Variants in LANCL2 observed in about 807,000 individuals in gnomAD.
The protein encoded by LANCL2 is lanC-like protein 2.
Under a neutral mutation model 56.9 loss-of-function variants are expected in LANCL2, and 33 were observed. The observed-to-expected ratio is 0.58, with a 90% confidence interval of 0.44 to 0.78. LANCL2 has a LOEUF of 0.78. Among genes scored for constraint, LANCL2 ranks in the 30% least tolerant of loss-of-function variants. The probability of loss-of-function intolerance (pLI) is 0.00; values close to 1 mark genes in which losing one functional copy is unlikely to be tolerated. For missense variants in LANCL2, 562 were observed against 580.2 expected, an observed-to-expected ratio of 0.97 and a Z score of 0.32; for synonymous variants, 233 against 228.2, an observed-to-expected ratio of 1.02 and a Z score of -0.19.
intron 2 of LANCL2, among the ~76,000 whole-genome samples, chr7:55,395,415 A>G (rs915351245): frequency 6.6e-6 from 1 of 152,168 alleles, no homozygotes; most frequent in African/African-American, 2.4e-5. Context: ...AGAGCATGTG[A>G]AATAAGAATT....
intron 5 of LANCL2, among the ~76,000 whole-genome samples, chr7:55,408,731 C>T (rs892320534): frequency 2.6e-5 from 4 of 151,612 alleles, no homozygotes; most frequent in African/African-American, 9.7e-5. Flanking sequence ...CTACCAGTTT[C>T]CTACACAATG....
chr7:55,368,613 C>G (rs974656950), intron 1 of LANCL2, among the ~76,000 whole-genome samples: 2 of 151,926 alleles, frequency 1.3e-5, no homozygotes, highest in Non-Finnish European at 2.9e-5. Flanking sequence ...GTTAAGAATG[C>G]AATTTGAGGA....
intron 2 of LANCL2, chr7:55,393,928 T>C (rs750448133): frequency 6.6e-6 from 1 of 152,254 alleles, no homozygotes; most frequent in Non-Finnish European, 1.5e-5. Flanking sequence ...ACATAGCTAT[T>C]AGTCTCAACG....
chr7:55,405,654 G>A (rs1287980119), intron 5 of LANCL2, among the ~76,000 whole-genome samples: 1 of 146,804 alleles, frequency 6.8e-6, no homozygotes, highest in Non-Finnish European at 1.5e-5. Flanking sequence ...ATGCCTGGCC[G>A]GAACTTTTTT....
chr7:55,402,831 A>C (rs1368703174), intron 5 of LANCL2, among the ~76,000 whole-genome samples: 8 of 122,616 alleles, frequency 6.5e-5, no homozygotes, highest in African/African-American at 9.6e-5. Context: ...CGCTCCTCAC[A>C]TCCCAGACGG....
chr7:55,425,796 G>A (rs1426599127), intron 7 of LANCL2, among the ~76,000 whole-genome samples: 2 of 152,142 alleles, frequency 1.3e-5, no homozygotes, highest in Admixed American at 1.3e-4. Flanking sequence ...GATGTTCCAA[G>A]CAGAACTGAG....
Position 55,378,858 on chromosome 7 carries a change from C to T in LANCL2, c.204+12629C>T, listed in dbSNP as rs566037064. ...TAAAAATATACTCCAGTAGGCTGGG[C>T]GCGGTGGCTCACGCCTGTAATCCCA... is the stretch of plus-strand genomic sequence containing the variant. On this transcript the variant is annotated intron_variant, in intron 1 of 8. Transcript: ENST00000254770. Among the ~76,000 whole-genome samples, 7 of 152,324 alleles carry T rather than the reference C, an allele frequency of 4.6e-5. No individual in the cohort carries two copies. In the East Asian group the frequency reaches 7.7e-4, roughly 17 times the overall value.
intron 7 of LANCL2, among the ~76,000 whole-genome samples, chr7:55,426,814 A>G (rs1242181527): frequency 6.6e-6 from 1 of 152,260 alleles, no homozygotes; most frequent in Non-Finnish European, 1.5e-5. Context: ...GGGGCAAAAC[A>G]GGAGCCAGCG....
intron 6 of LANCL2, among the ~76,000 whole-genome samples, chr7:55,416,416 G>T (rs922871608): frequency 2.6e-5 from 4 of 152,006 alleles, no homozygotes; most frequent in Non-Finnish European, 5.9e-5. Flanking sequence ...CTTCCAAGTA[G>T]CTGGGGACTA....
intron 1 of LANCL2, among the ~76,000 whole-genome samples, chr7:55,384,870 A>T (rs1255113617): frequency 6.6e-6 from 1 of 152,174 alleles, no homozygotes; most frequent in Non-Finnish European, 1.5e-5. Context: ...CACTACCATC[A>T]TCACCACCAC....
chr7:55,379,568 TCTG>T (rs1000163669), intron 1 of LANCL2: 21 of 152,804 alleles, frequency 1.4e-4, no homozygotes, highest in Middle Eastern at 3.4e-3. Context: ...CCTTATGGGT[TCTG>T]CCACTGCAGG....
chr7:55,402,463 C>T (rs1790346767), intron 5 of LANCL2, among the ~76,000 whole-genome samples: 1 of 142,474 alleles, frequency 7.0e-6, no homozygotes, highest in Admixed American at 6.8e-5. Context: ...GGGCGGCTGG[C>T]CGGGCAGAGG....
At chr7:55,405,644 A>T (rs921016531) in intron 5 of LANCL2, among the ~76,000 whole-genome samples, 1 of 150,490 alleles carries the variant, frequency 6.6e-6, no homozygotes, top group African/African-American at 2.4e-5. Context: ...GTCCACCACC[A>T]TGCCTGGCCG....
At chr7:55,430,498 T>G (rs1306393629) in intron 8 of LANCL2, among the ~76,000 whole-genome samples, 2 of 152,234 alleles carry the variant, frequency 1.3e-5, no homozygotes, top group Admixed American at 1.3e-4. Flanking sequence ...AGAGGGGCAC[T>G]TGGAACTTCC....
intron 6 of LANCL2, among the ~76,000 whole-genome samples, chr7:55,419,095 A>G (rs1160827840): frequency 6.6e-6 from 1 of 151,782 alleles, no homozygotes; most frequent in Non-Finnish European, 1.5e-5. Flanking sequence ...CTTTGTTTTT[A>G]TTAGGAATCA....
In LANCL2 at chr7:55,431,219, A is replaced by G. The variant is rs758987037; in HGVS notation, c.1259-7A>G. The G allele has an allele frequency of 3.7e-6, 6 of 1,604,918 alleles. No homozygotes were observed. The highest frequency in any genetic ancestry group is 5.1e-6 in the Non-Finnish European group (6 of 1,175,280). ...ATTCCTAAGAGGCTCCTCATTTTAC[A>G]TTGCAGGCATGGCTGGCGCTATTCA... is the stretch of plus-strand genomic sequence containing the variant. On this transcript the variant is annotated splice_polypyrimidine_tract_variant and splice_region_variant and intron_variant, in intron 8 of 8. Transcript: ENST00000254770.
intron 1 of LANCL2, among the ~76,000 whole-genome samples, chr7:55,387,665 C>T (rs1405193012): frequency 2.0e-5 from 3 of 151,640 alleles, no homozygotes; most frequent in Non-Finnish European, 4.4e-5. Flanking sequence ...CAAAGACTAT[C>T]CTAAATAATT....
intron 6 of LANCL2, among the ~76,000 whole-genome samples, chr7:55,413,325 G>A (rs1790491547): frequency 1.3e-5 from 2 of 152,144 alleles, no homozygotes; most frequent in Non-Finnish European, 2.9e-5. Context: ...TACAGACAGG[G>A]GCCCTCTGAT....
At chr7:55,382,021 G>A (rs192209060) in intron 1 of LANCL2, among the ~76,000 whole-genome samples, 8 of 152,304 alleles carry the variant, frequency 5.3e-5, no homozygotes, top group Admixed American at 3.9e-4. Context: ...AGGTAGGTGC[G>A]GGAGGGGAGA....
Sources: allele counts gnomAD v4.1 joint callset (sites outside exome capture counted in the v4.1 genomes callset), GRCh38; gene constraint gnomAD v4.1.1; transcripts MANE v1.5; gene names NCBI Gene and HGNC (gene_info 2026-07-23, HGNC 2026-07-21).